Variants in SLIT2 observed in about 807,000 individuals in gnomAD.
SLIT2 encodes slit homolog 2 protein.
In SLIT2, 41 loss-of-function variants were observed where a neutral mutation model predicts 185.7. That is an observed-to-expected ratio of 0.22 (90% CI 0.17 to 0.29). The LOEUF (loss-of-function observed/expected upper bound fraction) is 0.29. SLIT2 is among the 10% of genes least tolerant of loss of function. SLIT2 has a pLI of 1.00. For missense variants in SLIT2, 1,571 were observed against 1,909.0 expected (o/e 0.82, Z 3.30); for synonymous variants, 693 against 680.2 (o/e 1.02, Z -0.29).
intron 5 of SLIT2, among the ~76,000 whole-genome samples, chr4:20,469,247 C>T (rs188098880): frequency 5.9e-5 from 9 of 152,096 alleles, no homozygotes; most frequent in Admixed American, 1.3e-4. Flanking sequence ...TGTAAAAATA[C>T]GGCAATAGCT....
intron 14 of SLIT2, among the ~76,000 whole-genome samples, 199 bp from the exon 15 acceptor site, chr4:20,524,950 A>G (rs1244853927): frequency 6.6e-6 from 1 of 152,200 alleles, no homozygotes; most frequent in Admixed American, 6.5e-5. Flanking sequence ...AGCTAATATA[A>G]GAACCAAGCT....
chr4:20,510,412 T>C lies in SLIT2; in HGVS notation c.915-83T>C, dbSNP rs1012322627. The C allele has an allele frequency of 2.0e-5, 18 of 881,630 alleles. No homozygotes were observed. The African/African-American group carries it at 3.0e-4, about 15-fold the overall frequency. 54.6% of individuals were successfully genotyped at this position (881,630 alleles called of 1,614,324 possible). ...ACTCATGAAGAACATCAACTTTACT[T>C]CTTGACATGAATCCTGAGCTTGAAT... On this transcript the variant is annotated intron_variant, in intron 9 of 36. Transcript: ENST00000504154.
At chr4:20,449,331 A>T (rs993286004) in intron 4 of SLIT2, among the ~76,000 whole-genome samples, 1 of 152,182 alleles carries the variant, frequency 6.6e-6, no homozygotes, top group African/African-American at 2.4e-5. Flanking sequence ...TAGATTATTT[A>T]AAAACTGGAG....
At chr4:20,579,139 C>CAA (rs562411981) in intron 29 of SLIT2, among the ~76,000 whole-genome samples, 5 of 144,550 alleles carry the variant, frequency 3.5e-5, no homozygotes, top group Admixed American at 6.9e-5. Flanking sequence ...ACTGAAAATA[C>CAA]AAAAAAAAAA....
chr4:20,544,775 AT>A (rs1331318232), intron 21 of SLIT2, among the ~76,000 whole-genome samples: 1 of 152,124 alleles, frequency 6.6e-6, no homozygotes, highest in Non-Finnish European at 1.5e-5. Flanking sequence ...GCCTTAGATT[AT>A]TTTACATATA....
chr4:20,607,121 C>A (rs1018718704), intron 33 of SLIT2, among the ~76,000 whole-genome samples: 7 of 152,150 alleles, frequency 4.6e-5, no homozygotes, highest in African/African-American at 1.7e-4. Flanking sequence ...GTACCTGGCC[C>A]TTAGTATGTG....
chr4:20,309,491 CCT>C (rs1220261664), intron 4 of SLIT2, among the ~76,000 whole-genome samples: 4 of 150,744 alleles, frequency 2.7e-5, no homozygotes, highest in African/African-American at 9.7e-5. Flanking sequence ...TAGAGCTTTT[CCT>C]CTGTCTTCAA....
intron 4 of SLIT2, among the ~76,000 whole-genome samples, chr4:20,430,192 G>A (rs992855290): frequency 5.3e-5 from 8 of 151,924 alleles, no homozygotes; most frequent in African/African-American, 7.3e-5. Context: ...CACATGTTCC[G>A]TGTTGTCATA....
intron 4 of SLIT2, among the ~76,000 whole-genome samples, chr4:20,376,295 T>C (rs1317946020): frequency 6.6e-6 from 1 of 151,808 alleles, no homozygotes; most frequent in Non-Finnish European, 1.5e-5. Flanking sequence ...GCAAATGACA[T>C]TTCAGTATTG....
chr4:20,352,787 C>T (rs1300283694), intron 4 of SLIT2, among the ~76,000 whole-genome samples: 4 of 152,030 alleles, frequency 2.6e-5, no homozygotes, highest in Admixed American at 2.0e-4. Flanking sequence ...GTGGCATGCA[C>T]CTATAGTCCC....
At chr4:20,604,606 C>T (rs1243498700) in intron 33 of SLIT2, among the ~76,000 whole-genome samples, 1 of 152,136 alleles carries the variant, frequency 6.6e-6, no homozygotes, top group East Asian at 1.9e-4. Flanking sequence ...TTCAGCCTCC[C>T]AAAGTGCTGG....
intron 4 of SLIT2, among the ~76,000 whole-genome samples, chr4:20,308,030 A>G (rs1332322941): frequency 6.6e-6 from 1 of 152,124 alleles, no homozygotes; most frequent in African/African-American, 2.4e-5. Context: ...CAAGGAGGAG[A>G]TTAATTATTA....
intron 4 of SLIT2, among the ~76,000 whole-genome samples, chr4:20,315,291 G>C (rs770729395): frequency 4.6e-5 from 7 of 152,098 alleles, no homozygotes; most frequent in Middle Eastern, 3.2e-3. Flanking sequence ...AAAACGTCAT[G>C]AATATTCAAC....
At chr4:20,412,185 C>A (rs1052232643) in intron 4 of SLIT2, among the ~76,000 whole-genome samples, 2 of 151,110 alleles carry the variant, frequency 1.3e-5, no homozygotes, top group Non-Finnish European at 3.0e-5. Context: ...AAAAGATGGT[C>A]ATTTTCAGCT....
At chr4:20,609,424 C>A (rs993739706) in intron 33 of SLIT2, among the ~76,000 whole-genome samples, 1 of 152,152 alleles carries the variant, frequency 6.6e-6, no homozygotes, top group East Asian at 1.9e-4. Context: ...TTCTTCACAG[C>A]AATATCAGTT....
chr4:20,454,109 A>C (rs528505683), intron 4 of SLIT2, among the ~76,000 whole-genome samples: 1 of 152,156 alleles, frequency 6.6e-6, no homozygotes, highest in Non-Finnish European at 1.5e-5. Context: ...GGGAATTCTA[A>C]AGGATAGAAA....
chr4:20,491,271 A>G (rs1475336921), intron 8 of SLIT2, among the ~76,000 whole-genome samples: 2 of 152,194 alleles, frequency 1.3e-5, no homozygotes, highest in African/African-American at 2.4e-5. Flanking sequence ...CCCCACATTT[A>G]TTGGCATATG....
At chr4:20,496,154 A>G (rs1346042055) in intron 9 of SLIT2, among the ~76,000 whole-genome samples, 2 of 152,232 alleles carry the variant, frequency 1.3e-5, no homozygotes, top group East Asian at 1.9e-4. Context: ...AAAAGAAAGT[A>G]TATGTATGCC....
intron 4 of SLIT2, among the ~76,000 whole-genome samples, chr4:20,386,084 G>A (rs1199625949): frequency 6.6e-6 from 1 of 152,082 alleles, no homozygotes; most frequent in Non-Finnish European, 1.5e-5. Context: ...ATGCCATAAT[G>A]TGTATGATAT....
Sources: gnomAD v4.1 joint callset for allele counts (sites outside exome capture counted in the v4.1 genomes callset) on GRCh38, gnomAD v4.1.1 for gene constraint, MANE v1.5 for transcripts, NCBI Gene and HGNC (gene_info 2026-07-23, HGNC 2026-07-21) for gene names.